REDIC1: variants seen among roughly 807,000 people sequenced by gnomAD.
REDIC1 encodes HEI10 Interacting Protein 1.
the REDIC1 span, among the ~76,000 whole-genome samples, chr12:39,831,092 A>ATGGCAAGCACTTTACATG: frequency 1.3e-5 from 2 of 152,190 alleles, no homozygotes; most frequent in East Asian, 3.9e-4. Flanking sequence ...CACTTTACAG[A>ATGGCAAGCACTTTACATG]TGGCAAGCAC....
At chr12:39,874,172 G>C in the REDIC1 span, among the ~76,000 whole-genome samples, 1 of 152,196 alleles carries the variant, frequency 6.6e-6, no homozygotes, top group Non-Finnish European at 1.5e-5. Context: ...TGTTAGGGTT[G>C]TGCCTTGTCA....
chr12:39,682,515 G>T, the REDIC1 span: 1 of 768,788 alleles, frequency 1.3e-6, no homozygotes, highest in South Asian at 3.6e-5. Flanking sequence ...AATGTTAGTA[G>T]CAACTCAATA....
At chr12:39,705,865 G>A in the REDIC1 span, among the ~76,000 whole-genome samples, 4 of 151,960 alleles carry the variant, frequency 2.6e-5, no homozygotes, top group Admixed American at 1.3e-4. Context: ...TACTTAATGG[G>A]GAAGAACTGA....
chr12:39,848,371 A>C, the REDIC1 span, among the ~76,000 whole-genome samples: 1 of 152,220 alleles, frequency 6.6e-6, no homozygotes, highest in Non-Finnish European at 1.5e-5. Context: ...AAGGACATGA[A>C]CAGACACCTC....
chr12:39,832,942 C>A, the REDIC1 span, among the ~76,000 whole-genome samples: 2 of 152,084 alleles, frequency 1.3e-5, no homozygotes, highest in African/African-American at 4.8e-5. Flanking sequence ...TTCATGATCA[C>A]CAGCCTCAAA....
the REDIC1 span, among the ~76,000 whole-genome samples, chr12:39,663,640 T>C: frequency 6.6e-6 from 1 of 152,108 alleles, no homozygotes; most frequent in Non-Finnish European, 1.5e-5. Flanking sequence ...CTTCTGGTTG[T>C]ATTTCTTTTG....
the REDIC1 span, among the ~76,000 whole-genome samples, chr12:39,845,885 A>G: frequency 3.9e-5 from 6 of 152,168 alleles, no homozygotes; most frequent in Admixed American, 3.3e-4. Flanking sequence ...TCAGGTTCAC[A>G]TGGATAATTC....
At chr12:39,751,767 C>T in the REDIC1 span, among the ~76,000 whole-genome samples, 1 of 152,092 alleles carries the variant, frequency 6.6e-6, no homozygotes, top group African/African-American at 2.4e-5. Context: ...ATGGATGAAG[C>T]TGGAAACCAT....
chr12:39,705,271 C>T, the REDIC1 span, among the ~76,000 whole-genome samples: 2 of 151,824 alleles, frequency 1.3e-5, no homozygotes, highest in Admixed American at 1.3e-4. Flanking sequence ...ATGAAGAAAT[C>T]CAAAACCTGA....
the REDIC1 span, among the ~76,000 whole-genome samples, chr12:39,892,398 C>T: frequency 6.6e-6 from 1 of 152,154 alleles, no homozygotes; most frequent in African/African-American, 2.4e-5. Context: ...GCCACAGGAC[C>T]TACTGTTGGC....
the REDIC1 span, chr12:39,646,913 AG>A: frequency 1.3e-6 from 2 of 1,489,110 alleles, no homozygotes; most frequent in Non-Finnish European, 1.8e-6. Context: ...AAAATTCTAT[AG>A]GTTATTTCAG....
At chr12:39,705,094 A>T in the REDIC1 span, among the ~76,000 whole-genome samples, 13 of 150,666 alleles carry the variant, frequency 8.6e-5, no homozygotes, top group East Asian at 1.2e-3. Flanking sequence ...AAATTAAATT[A>T]AAAAAATAAA....
the REDIC1 span, among the ~76,000 whole-genome samples, chr12:39,763,664 T>C: frequency 6.6e-6 from 1 of 152,106 alleles, no homozygotes; most frequent in Non-Finnish European, 1.5e-5. Context: ...GAGAATGGTC[T>C]AAGCAGCAGG....
the REDIC1 span, among the ~76,000 whole-genome samples, chr12:39,749,934 A>G: frequency 2.0e-5 from 3 of 152,220 alleles, no homozygotes; most frequent in East Asian, 3.8e-4. Context: ...CATGAGAGCT[A>G]TTTATGACAG....
chr12:39,902,393 C>T, the REDIC1 span, among the ~76,000 whole-genome samples: 3 of 151,752 alleles, frequency 2.0e-5, no homozygotes, highest in African/African-American at 4.8e-5. Context: ...TGTACATACA[C>T]ATGAAGAGAA....
At chr12:39,685,031 A>G in the REDIC1 span, 1 of 682,586 alleles carries the variant, frequency 1.5e-6, no homozygotes, top group African/African-American at 1.8e-5. Flanking sequence ...ACATTTATTC[A>G]TTAATTTTTA....
chr12:39,699,082 A>T, the REDIC1 span, among the ~76,000 whole-genome samples: 1 of 152,240 alleles, frequency 6.6e-6, no homozygotes, highest in Admixed American at 6.5e-5. Flanking sequence ...AAAATTGACA[A>T]ACATTTATCT....
At chr12:39,748,964 G>A in the REDIC1 span, among the ~76,000 whole-genome samples, 1 of 152,020 alleles carries the variant, frequency 6.6e-6, no homozygotes, top group Non-Finnish European at 1.5e-5. Context: ...ACAAGAGAAA[G>A]CAGGAAAGAT....
At chr12:39,731,230 AG>A in the REDIC1 span, among the ~76,000 whole-genome samples, 2 of 151,794 alleles carry the variant, frequency 1.3e-5, no homozygotes, top group South Asian at 2.1e-4. Context: ...GGGGGAGAAG[AG>A]GTGTTCTGGT....
Sources: allele counts gnomAD v4.1 joint callset (sites outside exome capture counted in the v4.1 genomes callset), GRCh38; gene constraint gnomAD v4.1.1; transcripts MANE v1.5; gene names NCBI Gene and HGNC (gene_info 2026-07-23, HGNC 2026-07-21).